The following KDM6A variants were observed in gnomAD, a reference collection of about 807,000 sequenced individuals.
KDM6A encodes the protein lysine demethylase 6A.
KDM6A carries 11 observed loss-of-function variants against 117.6 expected under a neutral mutation model. The observed-to-expected ratio is 0.09, with a 90% confidence interval of 0.06 to 0.15. KDM6A has a LOEUF of 0.15. Ranked by LOEUF, KDM6A falls within the 10% of genes least tolerant of loss-of-function variation. KDM6A has a pLI of 1.00. For synonymous variants in KDM6A, 384 were observed against 396.1 expected (o/e 0.97, Z 0.36); for missense variants, 799 against 1,077.3 (o/e 0.74, Z 3.62).
chrX:44,936,902 T>C (rs1389869778), intron 2 of KDM6A, among the ~76,000 whole-genome samples: 1 of 111,859 alleles, frequency 8.9e-6, no homozygotes, highest in African/African-American at 3.2e-5. Context: ...TTAGGGATGC[T>C]TAGCCTGTAA....
At chrX:44,893,393 T>C (rs2033547818) in intron 2 of KDM6A, among the ~76,000 whole-genome samples, 1 of 111,917 alleles carries the variant, frequency 8.9e-6, no homozygotes, top group South Asian at 3.6e-4. Flanking sequence ...TTTTGAGCAA[T>C]TGCAAATGAT....
chrX:44,991,443 C>T (rs754240781), intron 4 of KDM6A, among the ~76,000 whole-genome samples: 10 of 110,359 alleles, frequency 9.1e-5, no homozygotes, highest in Admixed American at 9.7e-5. Flanking sequence ...TAGGTTAGAA[C>T]TGAGTATGTC....
intron 5 of KDM6A, among the ~76,000 whole-genome samples, chrX:45,017,095 A>G (rs906355428): frequency 1.8e-5 from 2 of 112,013 alleles, no homozygotes; most frequent in Non-Finnish European, 3.8e-5. Context: ...TAAAAACTAT[A>G]TTTTTCAGAT....
intron 2 of KDM6A, among the ~76,000 whole-genome samples, chrX:44,920,960 C>T (rs2033370855): frequency 9.5e-6 from 1 of 104,785 alleles, no homozygotes; most frequent in Middle Eastern, 4.8e-3. Flanking sequence ...CTGCAACCTC[C>T]GCCTCTCGGG....
chrX:45,003,751 C>G (rs2041274807), intron 4 of KDM6A, among the ~76,000 whole-genome samples: 1 of 109,171 alleles, frequency 9.2e-6, no homozygotes, highest in African/African-American at 3.4e-5. Context: ...TTGACTCCCT[C>G]TTTGTCTCTG....
chrX:45,037,511 G>A (rs1261150500), intron 7 of KDM6A, 144 bp from the exon 8 acceptor site: 4 of 457,032 alleles, frequency 8.8e-6, no homozygotes, highest in Non-Finnish European at 1.1e-5. Flanking sequence ...TTTAGTAAAA[G>A]CAAATAAAAG....
At chrX:45,019,360 A>C (rs28547973) in intron 5 of KDM6A, among the ~76,000 whole-genome samples, 8,062 of 111,445 alleles carry the variant, frequency 0.072, 660 homozygotes, top group African/African-American at 0.24. Flanking sequence ...AAGGTGTCTG[A>C]TGCCAGACCT....
chrX:45,047,371 T>G (rs2043585050), intron 8 of KDM6A, among the ~76,000 whole-genome samples: 2 of 93,632 alleles, frequency 2.1e-5, no homozygotes, highest in African/African-American at 1.2e-4. Context: ...TTAGATGCTT[T>G]CTTTTTTTTT....
Position 45,045,637 on chromosome X carries a change from G to C in KDM6A, c.655-6072G>C, listed in dbSNP as rs116265546. ...GAAATCATACAATATTTGTGCTTTT[G>C]CATCTGACTTATTTCACTTAGCATA... On this transcript the variant is annotated intron_variant, in intron 8 of 29. Coordinates refer to ENST00000611820, the MANE Select transcript of KDM6A (RefSeq NM_001291415.2). Among the ~76,000 whole-genome samples the C allele has an allele frequency of 7.7e-3, 820 of 106,774 alleles. 14 individuals carry two copies. The highest frequency in any genetic ancestry group is 0.027 in the African/African-American group (785 of 29,339). 92.7% of individuals were successfully genotyped at this position (106,774 alleles called of 115,157 possible).
intron 4 of KDM6A, among the ~76,000 whole-genome samples, chrX:44,979,264 C>T (rs2039766146): frequency 9.0e-6 from 1 of 111,534 alleles, no homozygotes; most frequent in Non-Finnish European, 1.9e-5. Context: ...TCTGCCCATT[C>T]TTGTTTTTTC....
chrX:44,957,636 T>C (rs1157269533), intron 2 of KDM6A, among the ~76,000 whole-genome samples: 1 of 111,773 alleles, frequency 8.9e-6, no homozygotes, highest in Non-Finnish European at 1.9e-5. Flanking sequence ...GGGAGGATCT[T>C]AGTTCATTTA....
At chrX:44,928,953 A>G (rs989097033) in intron 2 of KDM6A, among the ~76,000 whole-genome samples, 1 of 111,218 alleles carries the variant, frequency 9.0e-6, no homozygotes, top group Non-Finnish European at 1.9e-5. Flanking sequence ...TTTTTTTGAG[A>G]CGGAGTGTCG....
intron 8 of KDM6A, among the ~76,000 whole-genome samples, chrX:45,040,275 AC>A (rs1439451110): frequency 5.3e-5 from 1 of 18,889 alleles, no homozygotes; most frequent in Admixed American, 7.1e-4. Context: ...GGGGGTGCTG[AC>A]CCCCCCACCT....
intron 23 of KDM6A, 140 bp from the exon 24 acceptor site, chrX:45,083,320 A>T: frequency 1.9e-6 from 1 of 533,082 alleles, no homozygotes; most frequent in Non-Finnish European, 2.9e-6. Context: ...TTAAAAATTT[A>T]AGCATTTTCT....
intron 2 of KDM6A, among the ~76,000 whole-genome samples, chrX:44,877,692 A>G (rs1385082678): frequency 9.0e-6 from 1 of 110,629 alleles, no homozygotes; most frequent in Non-Finnish European, 1.9e-5. Flanking sequence ...TCAGGGAACT[A>G]TTGCTAAAAT....
chrX:44,977,267 T>A (rs760471668), intron 4 of KDM6A, among the ~76,000 whole-genome samples: 2 of 110,710 alleles, frequency 1.8e-5, no homozygotes, highest in East Asian at 5.7e-4. Flanking sequence ...ATATATAGTT[T>A]TTTAGAGACA....
intron 2 of KDM6A, among the ~76,000 whole-genome samples, chrX:44,928,540 G>A: frequency 8.9e-6 from 1 of 112,111 alleles, no homozygotes; most frequent in South Asian, 3.6e-4. Context: ...AGACCTTCAA[G>A]CAATGTATTA....
chrX:45,043,492 A>G (rs1041533743), intron 8 of KDM6A, among the ~76,000 whole-genome samples: 7 of 110,200 alleles, frequency 6.4e-5, no homozygotes, highest in Non-Finnish European at 1.3e-4. Flanking sequence ...ATTTTAGTAG[A>G]TTGGCCGGGT....
In KDM6A at chrX:45,053,517, T is replaced by C. The variant is rs1446452484; in HGVS notation, c.749-312T>C. Among the ~76,000 whole-genome samples the C allele has an allele frequency of 3.6e-5, 4 of 112,303 alleles. No individual in the cohort carries two copies. The East Asian group carries it at 8.3e-4, about 23-fold the overall frequency. ...ACGTAACATCTTTATATTTTTTGTT[T>C]CGTAACTTGGAATTTTTTCAGATAT... On this transcript the variant is annotated intron_variant, in intron 9 of 29. Coordinates refer to ENST00000611820, the MANE Select transcript of KDM6A (RefSeq NM_001291415.2).
Sources: gnomAD v4.1 joint callset for allele counts (sites outside exome capture counted in the v4.1 genomes callset) on GRCh38, gnomAD v4.1.1 for gene constraint, MANE v1.5 for transcripts, NCBI Gene and HGNC (gene_info 2026-07-23, HGNC 2026-07-21) for gene names.